Variants in HAT1 observed in about 807,000 individuals in gnomAD.
HAT1 encodes histone acetyltransferase type B catalytic subunit.
Under a neutral mutation model 56.6 loss-of-function variants are expected in HAT1, and 20 were observed. That is an observed-to-expected ratio of 0.35 (90% confidence interval 0.25 to 0.51). The LOEUF is 0.51. HAT1 is among the 20% of genes least tolerant of loss of function. The pLI is 0.95. For missense variants in HAT1, 408 were observed against 504.3 expected, an observed-to-expected ratio of 0.81 and a Z score of 1.83; for synonymous variants, 146 against 165.5, an observed-to-expected ratio of 0.88 and a Z score of 0.91.
At chr2:171,949,953 T>C (rs1472734338) in intron 3 of HAT1, among the ~76,000 whole-genome samples, 1 of 152,220 alleles carries the variant, frequency 6.6e-6, no homozygotes, top group East Asian at 1.9e-4. Context: ...GATACTTTAC[T>C]TTCTCACACA....
intron 8 of HAT1, among the ~76,000 whole-genome samples, chr2:171,968,566 G>A (rs1201757187): frequency 6.6e-6 from 1 of 152,042 alleles, no homozygotes; most frequent in Non-Finnish European, 1.5e-5. Flanking sequence ...TTTATTCATT[G>A]GTGTTATTCA....
chr2:171,956,202 G>T (rs1687442318), intron 4 of HAT1, among the ~76,000 whole-genome samples: 1 of 100,194 alleles, frequency 1.0e-5, no homozygotes, highest in Admixed American at 1.1e-4. Flanking sequence ...AAAAAAAAAA[G>T]GCCAGGCTTA....
At chr2:171,940,266 C>T (rs1686986122) in intron 2 of HAT1, among the ~76,000 whole-genome samples, 1 of 152,182 alleles carries the variant, frequency 6.6e-6, no homozygotes, top group African/African-American at 2.4e-5. Flanking sequence ...GCACATCCTC[C>T]TGAAAAATAT....
rs370689699 is a variant in HAT1, at chr2:171,930,718, G to A, written c.112+5077G>A. Among the ~76,000 whole-genome samples, 10 of 151,994 alleles carry A rather than the reference G, an allele frequency of 6.6e-5. No individual in the cohort carries two copies. In the East Asian group the frequency reaches 1.7e-3, roughly 26 times the overall value. ...TAGCCTTGACTTCCCAGGCTCAAGC[G>A]AACCTCCCACCTCAGCCTCCTGAAT... On this transcript the variant is annotated intron_variant, in intron 2 of 10. Coordinates refer to ENST00000264108, the MANE Select transcript of HAT1 (RefSeq NM_003642.4).
chr2:171,979,545 C>CA lies in HAT1; in HGVS notation c.1092+183dup, dbSNP rs1688080985. On this transcript the variant is annotated intron_variant, in intron 10 of 10. Coordinates refer to ENST00000264108, the MANE Select transcript of HAT1 (RefSeq NM_003642.4). ...ACTCATGGCCGGGCGTGGTGGCCCA[C>CA]ACCTGTAATCCCAGCACTCAGGGAG... 5 of 484,034 alleles carry CA rather than the reference C, an allele frequency of 1.0e-5. No homozygotes were observed. The South Asian group carries it at 1.1e-4, about 11-fold the overall frequency. 30.0% of individuals were successfully genotyped at this position (484,034 alleles called of 1,614,324 possible). A position where few individuals can be genotyped will look rare whatever the true frequency, so the allele number is the denominator to read the frequency against.
rs371956736 is a variant in HAT1 at position 171,979,261 on chromosome 2, G to C, written c.990G>C (p.Arg330Ser). The stretch of plus-strand genomic sequence containing the variant: ...TTTCATTCTAGCAACACGCTAGAAG[G>C]GTTTATGAAATTCTTCGACTACTGG... ...KFKINKQHARRVYEILRLLVT... is the reference protein window; with the variant it reads ...KFKINKQHARSVYEILRLLVT... The change falls in exon 10 of 11, where the codon AGG (arginine) becomes AGC (serine). Residue 330 changes from arginine (R) to serine (S), a missense_variant. Coordinates refer to ENST00000264108, the MANE Select transcript of HAT1 (RefSeq NM_003642.4). The C allele has an allele frequency of 9.7e-6, 15 of 1,552,338 alleles. No individual in the cohort carries two copies. The African/African-American group carries it at 1.4e-4, about 14-fold the overall frequency.
chr2:171,925,352 G>C (rs926689535), intron 1 of HAT1, among the ~76,000 whole-genome samples, 185 bp from the exon 2 acceptor site: 2 of 152,094 alleles, frequency 1.3e-5, no homozygotes, highest in Non-Finnish European at 1.5e-5. Flanking sequence ...TTACAGGCGT[G>C]AGCCACCGTG....
intron 2 of HAT1, among the ~76,000 whole-genome samples, chr2:171,933,676 G>A (rs1455466243): frequency 6.6e-6 from 1 of 152,064 alleles, no homozygotes; most frequent in Non-Finnish European, 1.5e-5. Context: ...ATATAGAAGA[G>A]GGTTACTTAA....
At chr2:171,979,040 A>G (rs1688061364) in intron 9 of HAT1, among the ~76,000 whole-genome samples, 1 of 152,060 alleles carries the variant, frequency 6.6e-6, no homozygotes, top group Admixed American at 6.6e-5. Flanking sequence ...GCAGTGAACT[A>G]TGATCGTGCC....
rs749707229 is a variant in HAT1, at chr2:171,983,644, T to C, written c.*292T>C. 9.1e-6 allele frequency: 2 copies of C among 219,802 alleles called. No individual in the cohort carries two copies. The highest frequency in any genetic ancestry group is 1.8e-4 in the South Asian group (1 of 5,526). The allele number at this position is 219,802 out of a possible 1,614,324, so 13.6% of individuals were successfully genotyped here. On this transcript the variant is annotated 3_prime_UTR_variant, in exon 11 of 11. Coordinates refer to ENST00000264108, the MANE Select transcript of HAT1 (RefSeq NM_003642.4). The stretch of plus-strand genomic sequence containing the variant: ...TGTGATATGTTAATGTGTGATGATA[T>C]GATTCTTAAATACTTACAATAAACC...
chr2:171,945,652 G>A (rs1687143691), intron 2 of HAT1, among the ~76,000 whole-genome samples: 1 of 151,382 alleles, frequency 6.6e-6, no homozygotes, highest in Admixed American at 6.6e-5. Flanking sequence ...CGCCACCATG[G>A]CTAGCCAATT....
intron 4 of HAT1, among the ~76,000 whole-genome samples, chr2:171,963,119 A>G (rs1687611753): frequency 6.6e-6 from 1 of 151,756 alleles, no homozygotes; most frequent in East Asian, 1.9e-4. Flanking sequence ...CCTTTAGTGA[A>G]GCGAAGTTGT....
chr2:171,982,621 A>G (rs189759809), intron 10 of HAT1, among the ~76,000 whole-genome samples: 1 of 152,328 alleles, frequency 6.6e-6, no homozygotes, highest in East Asian at 1.9e-4. Flanking sequence ...AGGGTTTAGT[A>G]TGATAATGTA....
At chr2:171,972,215 T>G (rs1357841692) in intron 8 of HAT1, among the ~76,000 whole-genome samples, 2 of 24,198 alleles carry the variant, frequency 8.3e-5, no homozygotes, top group South Asian at 1.4e-3. Flanking sequence ...TTTTCTTTTG[T>G]TTTTTTTTTT....
intron 9 of HAT1, among the ~76,000 whole-genome samples, chr2:171,977,049 G>A (rs1172447443): frequency 6.6e-6 from 1 of 152,194 alleles, no homozygotes; most frequent in Non-Finnish European, 1.5e-5. Context: ...GCATGCGCCT[G>A]TAGTCCCAGC....
chr2:171,940,596 A>G (rs1396205887), intron 2 of HAT1, among the ~76,000 whole-genome samples: 5 of 152,178 alleles, frequency 3.3e-5, no homozygotes, highest in Non-Finnish European at 7.3e-5. Flanking sequence ...CATTTGATGA[A>G]GTGGTGGCCT....
At chr2:171,944,085 G>A (rs1020838485) in intron 2 of HAT1, among the ~76,000 whole-genome samples, 4 of 151,666 alleles carry the variant, frequency 2.6e-5, no homozygotes, top group African/African-American at 9.7e-5. Context: ...TTTCAAGGTT[G>A]CTGTGAGCTG....
intron 2 of HAT1, among the ~76,000 whole-genome samples, chr2:171,929,235 G>T (rs925699644): frequency 6.6e-6 from 1 of 151,638 alleles, no homozygotes; most frequent in African/African-American, 2.4e-5. Flanking sequence ...ATTAAGGATT[G>T]TTTTTTTAAT....
At chr2:171,963,975 T>A (rs565457062) in intron 4 of HAT1, among the ~76,000 whole-genome samples, 2 of 152,312 alleles carry the variant, frequency 1.3e-5, no homozygotes, top group Non-Finnish European at 2.9e-5. Flanking sequence ...AGGTCTTTTT[T>A]ATACCTATAA....
Sources: allele counts gnomAD v4.1 joint callset (sites outside exome capture counted in the v4.1 genomes callset), GRCh38; gene constraint gnomAD v4.1.1; transcripts MANE v1.5; gene names NCBI Gene and HGNC (gene_info 2026-07-23, HGNC 2026-07-21).